Variants in ELOVL2 observed in about 807,000 individuals in gnomAD.
ELOVL2 encodes ELOVL fatty acid elongase 2, also known as very long chain fatty acid elongase 2.
In ELOVL2, 38 loss-of-function variants were observed where a neutral mutation model predicts 37.7. That is an observed-to-expected ratio of 1.01 (90% CI 0.78 to 1.32). The LOEUF (loss-of-function observed/expected upper bound fraction) is 1.32, where lower values mean the gene tolerates loss of function less well. Ranked by LOEUF, ELOVL2 falls within the 40% of genes most tolerant of loss-of-function variation. ELOVL2 has a pLI of 0.00. For synonymous variants in ELOVL2, 115 were observed against 122.3 expected, an observed-to-expected ratio of 0.94 and a Z score of 0.40; for missense variants, 352 against 363.6, an observed-to-expected ratio of 0.97 and a Z score of 0.26.
Position 11,044,244 on chromosome 6 carries a change from T to G in ELOVL2, c.-14A>C. ...CCCACTCACCATGATCCGCAGCGGC[T>G]GTGGCGCGGCGACCCGGGCGGGCGG... On this transcript the variant is annotated 5_prime_UTR_variant, in exon 1 of 8. Coordinates refer to ENST00000354666, the MANE Select transcript of ELOVL2 (RefSeq NM_017770.4). This position sits in a 1 kb window ranked among gnomAD's most constrained non-coding sequence, Gnocchi z 5.6. 1 of 1,350,464 alleles carries G rather than the reference T, an allele frequency of 7.4e-7. No individual in the cohort carries two copies. 83.7% of individuals were successfully genotyped at this position (1,350,464 alleles called of 1,614,324 possible).
At chr6:11,040,089 G>A (rs1783075957) in intron 1 of ELOVL2, among the ~76,000 whole-genome samples, 1 of 152,130 alleles carries the variant, frequency 6.6e-6, no homozygotes, top group African/African-American at 2.4e-5. Flanking sequence ...GTAAAAATAT[G>A]AGAATATTAG....
chr6:11,023,117 T>A (rs1782790141), intron 1 of ELOVL2, among the ~76,000 whole-genome samples: 1 of 152,262 alleles, frequency 6.6e-6, no homozygotes, highest in African/African-American at 2.4e-5. Flanking sequence ...TTATTACAAC[T>A]ACTTCTTCCA....
rs143424881 is a variant in ELOVL2 at position 11,001,958 on chromosome 6, G to A, written c.256-1794C>T. Among the ~76,000 whole-genome samples the A allele has an allele frequency of 3.3e-5, 5 of 152,310 alleles. No individual in the cohort carries two copies. The East Asian group carries it at 7.7e-4, about 23-fold the overall frequency. ...TCCAAGATGTTAACATCTGTTGCCT[G>A]TAGTACTGCAATGATCTCCTAACTG... On this transcript the variant is annotated intron_variant, in intron 3 of 7. Transcript: ENST00000354666.
chr6:11,022,520 G>A lies in ELOVL2; in HGVS notation c.4-11711C>T, dbSNP rs138126424. ...TCTCTGGGTATGGGTATGTGTGTAC[G>A]TCAATGGTGAAGAACAGGTACAGGG... On this transcript the variant is annotated intron_variant, in intron 1 of 7. Coordinates refer to ENST00000354666, the MANE Select transcript of ELOVL2 (RefSeq NM_017770.4). Among the ~76,000 whole-genome samples the A allele has an allele frequency of 6.6e-4, 100 of 152,310 alleles. 1 individual carries two copies. The highest frequency in any genetic ancestry group is 6.2e-4 in the South Asian group (3 of 4,826).
At chr6:11,033,904 T>G (rs1782972161) in intron 1 of ELOVL2, among the ~76,000 whole-genome samples, 1 of 152,216 alleles carries the variant, frequency 6.6e-6, no homozygotes, top group Non-Finnish European at 1.5e-5. Context: ...AAAGTTAGGA[T>G]TGTAAAGATA....
At chr6:11,020,898 T>C (rs1358525642) in intron 1 of ELOVL2, among the ~76,000 whole-genome samples, 6 of 152,200 alleles carry the variant, frequency 3.9e-5, no homozygotes, top group Admixed American at 2.0e-4. Context: ...ACTAACACAG[T>C]ACAGAGCTCA....
rs1455459804 is a variant in ELOVL2 at position 10,981,104 on chromosome 6, G to T, written c.*2677C>A. ...ACTTTACCCCGTAACATGCCTAAGTGGTTCGATATATAATTTTGATGGCTT... is the reference window on the plus strand; with the variant it reads ...ACTTTACCCCGTAACATGCCTAAGTTGTTCGATATATAATTTTGATGGCTT... On this transcript the variant is annotated 3_prime_UTR_variant, in exon 8 of 8. Transcript: ENST00000354666. 6.6e-6 allele frequency: 1 copy of T among 152,080 alleles called. No individual in the cohort carries two copies. Among genetic ancestry groups the T allele is most frequent in the African/African-American group, 2.4e-5 (1 of 41,420 alleles). 9.4% of individuals were successfully genotyped at this position (152,080 alleles called of 1,614,324 possible).
chr6:10,990,514 T>A, intron 5 of ELOVL2, 72 bp from the exon 6 acceptor site: 9 of 1,427,482 alleles, frequency 6.3e-6, no homozygotes, highest in Non-Finnish European at 3.7e-6. Flanking sequence ...CAAGTGAGAT[T>A]CTCTCTCTGC....
rs1781952763 is a variant in ELOVL2 at position 10,982,326 on chromosome 6, CTAA to C, written c.*1452_*1454del. 6.6e-6 allele frequency: 1 copy of C among 152,058 alleles called. No individual in the cohort carries two copies. The highest frequency in any genetic ancestry group is 2.1e-4 in the South Asian group (1 of 4,824). The allele number at this position is 152,058 out of a possible 1,614,324, so 9.4% of individuals were successfully genotyped here. ...CCGAGAGAGAAAGGCACTCTGGACGCTAATGAGTGGGGACGGTGGTGGAAATGC... is the reference window on the plus strand; with the variant it reads ...CCGAGAGAGAAAGGCACTCTGGACGCTGAGTGGGGACGGTGGTGGAAATGC... On this transcript the variant is annotated 3_prime_UTR_variant, in exon 8 of 8. Coordinates refer to ENST00000354666, the MANE Select transcript of ELOVL2 (RefSeq NM_017770.4).
rs1389890898 is a variant in ELOVL2 at position 10,995,099 on chromosome 6, T to A, written c.413A>T (p.Lys138Ile). ...ATGAAGAAAAGTAATCTGACTCGTTTTTTTCCGCAAAACGAAGAAAATTGT... is the reference window on the plus strand; with the variant it reads ...ATGAAGAAAAGTAATCTGACTCGTTATTTTCCGCAAAACGAAGAAAATTGT... Reference protein sequence around the residue: ...LDTIFFVLRKKTSQITFLHVY... With the variant: ...LDTIFFVLRKITSQITFLHVY... The change falls in exon 5 of 8, where the codon AAA (lysine) becomes ATA (isoleucine). Residue 138 changes from lysine (K) to isoleucine (I), a missense_variant. Transcript: ENST00000354666. 6.2e-7 allele frequency: 1 copy of A among 1,613,672 alleles called. No individual in the cohort carries two copies. Among genetic ancestry groups the A allele is most frequent in the Non-Finnish European group, 8.5e-7 (1 of 1,179,640 alleles).
chr6:11,043,386 G>A, intron 1 of ELOVL2: 1 of 140,470 alleles, frequency 7.1e-6, no homozygotes, highest in Non-Finnish European at 1.5e-5. Flanking sequence ...CTGTCAGGCA[G>A]TTCATCGGAC....
rs140691691 is a variant in ELOVL2 at position 11,020,839 on chromosome 6, A to G, written c.4-10030T>C. Among the ~76,000 whole-genome samples, 543 of 152,314 alleles carry G rather than the reference A, an allele frequency of 3.6e-3. 2 individuals are homozygous for G. Among genetic ancestry groups the G allele is most frequent in the African/African-American group, 0.013 (522 of 41,566 alleles). On this transcript the variant is annotated intron_variant, in intron 1 of 7. Transcript: ENST00000354666. Reference sequence around the variant, plus strand: ...CAGTGACAAACTCATTATTTTTATCATTACAAGTGTGGTTACTGTCACTAT... The same window carrying G: ...CAGTGACAAACTCATTATTTTTATCGTTACAAGTGTGGTTACTGTCACTAT...
intron 7 of ELOVL2, among the ~76,000 whole-genome samples, chr6:10,988,930 A>C (rs542739553): frequency 6.6e-6 from 1 of 152,252 alleles, no homozygotes; most frequent in African/African-American, 2.4e-5. Flanking sequence ...GTTCCCAAAC[A>C]AACAGTGAGG....
chr6:11,000,008 T>C, intron 4 of ELOVL2, 79 bp downstream of exon 4: 1 of 1,269,704 alleles, frequency 7.9e-7, no homozygotes, highest in Non-Finnish European at 1.2e-6. Context: ...GCCTCAGCCC[T>C]CTATCTGGAA....
chr6:11,006,630 C>T (rs982249765), intron 2 of ELOVL2, among the ~76,000 whole-genome samples: 3 of 152,308 alleles, frequency 2.0e-5, no homozygotes, highest in South Asian at 4.1e-4. Context: ...AAACCACCCG[C>T]CCTACAGAGT....
chr6:11,008,386 G>A (rs776752654), intron 2 of ELOVL2, among the ~76,000 whole-genome samples: 3 of 152,166 alleles, frequency 2.0e-5, no homozygotes, highest in Admixed American at 6.5e-5. Context: ...TGAACTTGGC[G>A]CAGACAAGTT....
chr6:10,996,224 G>A (rs892004184), intron 4 of ELOVL2, among the ~76,000 whole-genome samples: 4 of 152,050 alleles, frequency 2.6e-5, no homozygotes, highest in Non-Finnish European at 5.9e-5. Flanking sequence ...CATAAGGTAC[G>A]GCCGCAACCG....
At chr6:10,989,990 A>C (rs1163045357) in intron 6 of ELOVL2, among the ~76,000 whole-genome samples, 153 bp from the exon 7 acceptor site, 1 of 152,242 alleles carries the variant, frequency 6.6e-6, no homozygotes, top group Non-Finnish European at 1.5e-5. Context: ...CCTCATCCAG[A>C]AATCTTATTT....
At chr6:11,025,529 T>C (rs1782825965) in intron 1 of ELOVL2, among the ~76,000 whole-genome samples, 1 of 152,214 alleles carries the variant, frequency 6.6e-6, no homozygotes. Flanking sequence ...AGTCTTCTTT[T>C]GAATGCTTTT....
Sources: allele counts gnomAD v4.1 joint callset (sites outside exome capture counted in the v4.1 genomes callset), GRCh38; gene constraint gnomAD v4.1.1; non-coding constraint Gnocchi (gnomAD v3.1); transcripts MANE v1.5; gene names NCBI Gene and HGNC (gene_info 2026-07-23, HGNC 2026-07-21).